The following FTO variants were observed in gnomAD, a reference collection of about 807,000 sequenced individuals.
FTO encodes alpha-ketoglutarate-dependent dioxygenase FTO.
In FTO, 47 loss-of-function variants were observed where a neutral mutation model predicts 63.9. That is an observed-to-expected ratio of 0.74 (90% CI 0.58 to 0.94). FTO has a LOEUF of 0.94. FTO is among the 40% of genes least tolerant of loss of function. The pLI is 0.00. For synonymous variants in FTO, 207 were observed against 224.4 expected (o/e 0.92, Z 0.69); for missense variants, 562 against 618.1 (o/e 0.91, Z 0.96).
chr16:53,922,484 A>G (rs757186570), intron 7 of FTO, among the ~76,000 whole-genome samples: 4 of 152,240 alleles, frequency 2.6e-5, no homozygotes, highest in African/African-American at 4.8e-5. Flanking sequence ...AAAAAATGTC[A>G]TATAAGTATT....
chr16:53,747,147 A>G (rs997594328), intron 1 of FTO, among the ~76,000 whole-genome samples: 2 of 152,244 alleles, frequency 1.3e-5, no homozygotes, highest in Non-Finnish European at 2.9e-5. Context: ...TGAATAGTGC[A>G]TAGTGCTGCA....
chr16:53,804,882 T>C (rs1410284787), intron 1 of FTO, among the ~76,000 whole-genome samples: 1 of 152,166 alleles, frequency 6.6e-6, no homozygotes, highest in Non-Finnish European at 1.5e-5. Context: ...CCCATAGTGC[T>C]GGGCTTACAG....
intron 8 of FTO, among the ~76,000 whole-genome samples, chr16:54,048,126 T>TAAAAAAAAAAAAAAAAAAAAA (rs71380060): frequency 1.8e-5 from 1 of 56,466 alleles, no homozygotes; most frequent in Non-Finnish European, 3.0e-5. Flanking sequence ...AAAAAAAAAT[T>TAAAAAAAAAAAAAAAAAAAAA]AAAAAAAAAA....
chr16:53,704,253 G>T, intron 1 of FTO, 24 bp downstream of exon 1: 1 of 1,550,836 alleles, frequency 6.4e-7, no homozygotes, highest in Non-Finnish European at 8.7e-7. Flanking sequence ...CCGGGGCCTG[G>T]AGATCTTCGT....
chr16:53,871,757 ACT>A (rs768798467), intron 4 of FTO, among the ~76,000 whole-genome samples: 5 of 150,210 alleles, frequency 3.3e-5, no homozygotes, highest in Non-Finnish European at 7.4e-5. Flanking sequence ...ATGGAGTTTC[ACT>A]CTCGTTTCCC....
intron 1 of FTO, among the ~76,000 whole-genome samples, chr16:53,735,133 G>A (rs916524877): frequency 6.6e-6 from 1 of 152,226 alleles, no homozygotes; most frequent in Non-Finnish European, 1.5e-5. Context: ...TGTGTGACTG[G>A]AAATGAGATT....
intron 8 of FTO, among the ~76,000 whole-genome samples, chr16:54,072,803 A>G (rs1173442247): frequency 2.0e-5 from 3 of 152,138 alleles, no homozygotes; most frequent in African/African-American, 7.2e-5. Context: ...CCGTTTTGGA[A>G]GGAGCTTCCC....
intron 7 of FTO, among the ~76,000 whole-genome samples, chr16:53,893,363 A>G (rs2081201102): frequency 6.6e-6 from 1 of 152,138 alleles, no homozygotes; most frequent in African/African-American, 2.4e-5. Context: ...GTATTATGAG[A>G]AGACTCTTCA....
intron 1 of FTO, among the ~76,000 whole-genome samples, chr16:53,731,725 ACCACG>A (rs1046440134): frequency 4.3e-5 from 6 of 140,498 alleles, no homozygotes; most frequent in African/African-American, 1.6e-4. Context: ...GGCCTGCGCC[ACCACG>A]CCCAACTAAT....
intron 1 of FTO, among the ~76,000 whole-genome samples, chr16:53,741,064 G>T (rs568091193): frequency 6.6e-6 from 1 of 152,274 alleles, no homozygotes; most frequent in South Asian, 2.1e-4. Context: ...GTAACATTTT[G>T]TCACATGAGA....
intron 1 of FTO, among the ~76,000 whole-genome samples, chr16:53,757,262 A>C (rs9940041): frequency 0.025 from 3,746 of 152,232 alleles, 152 homozygotes; most frequent in African/African-American, 0.086. Context: ...AGCAATTTTC[A>C]AGTATATAAT....
intron 8 of FTO, among the ~76,000 whole-genome samples, chr16:54,099,660 A>G (rs569094039): frequency 6.6e-6 from 1 of 152,290 alleles, no homozygotes; most frequent in African/African-American, 2.4e-5. Context: ...CAAGCCCACA[A>G]ATGAACTGGG....
At chr16:53,722,913 G>T (rs989654264) in intron 1 of FTO, among the ~76,000 whole-genome samples, 1 of 152,086 alleles carries the variant, frequency 6.6e-6, no homozygotes, top group Non-Finnish European at 1.5e-5. Flanking sequence ...AGAAATCATA[G>T]ATTTTGGTGG....
chr16:54,056,063 T>C (rs1435661178), intron 8 of FTO, among the ~76,000 whole-genome samples: 3 of 152,246 alleles, frequency 2.0e-5, no homozygotes, highest in Non-Finnish European at 4.4e-5. Flanking sequence ...CACTGTATTT[T>C]CAGGACAATG....
At chr16:53,999,623 C>T (rs1027637541) in intron 8 of FTO, 1 of 152,142 alleles carries the variant, frequency 6.6e-6, no homozygotes, top group African/African-American at 2.4e-5. Context: ...ATTAAAGACC[C>T]CATGGAAGCA....
intron 1 of FTO, among the ~76,000 whole-genome samples, chr16:53,719,253 C>CTTTTTTTTTT (rs10527186): frequency 4.4e-5 from 6 of 135,650 alleles, no homozygotes; most frequent in Non-Finnish European, 6.2e-5. Flanking sequence ...TCTTCTTCTT[C>CTTTTTTTTTT]TTTTTTTTTT....
chr16:54,065,066 C>G (rs1245560876), intron 8 of FTO, among the ~76,000 whole-genome samples: 2 of 151,564 alleles, frequency 1.3e-5, no homozygotes, highest in Admixed American at 1.3e-4. Context: ...GCACGTACCA[C>G]TGAGGCTGGG....
intron 8 of FTO, among the ~76,000 whole-genome samples, chr16:54,049,534 G>A (rs896494527): frequency 6.6e-5 from 10 of 152,188 alleles, no homozygotes; most frequent in South Asian, 6.2e-4. Context: ...AAAGTGGTGA[G>A]GGGGGGAAAT....
At chr16:54,008,469 A>C (rs1223925749) in intron 8 of FTO, 11 of 151,066 alleles carry the variant, frequency 7.3e-5, no homozygotes, top group African/African-American at 2.7e-4. Context: ...CTTCAATGGA[A>C]CTCTACTTCT....
Sources: gnomAD v4.1 joint callset for allele counts (sites outside exome capture counted in the v4.1 genomes callset) on GRCh38, gnomAD v4.1.1 for gene constraint, MANE v1.5 for transcripts, NCBI Gene and HGNC (gene_info 2026-07-23, HGNC 2026-07-21) for gene names.